The following MED13L variants were observed in gnomAD, a reference collection of about 807,000 sequenced individuals.
MED13L encodes the protein mediator of RNA polymerase II transcription subunit 13-like.
MED13L carries 7 observed loss-of-function variants against 220.9 expected under a neutral mutation model. That is an observed-to-expected ratio of 0.03 (90% CI 0.02 to 0.06). MED13L has a LOEUF of 0.06. Among genes scored for constraint, MED13L ranks in the 10% least tolerant of loss-of-function variants. The pLI, the probability that MED13L is intolerant of heterozygous loss-of-function variation, is 1.00. For synonymous variants in MED13L, 1,011 were observed against 1,015.2 expected, an observed-to-expected ratio of 1.00 and a Z score of 0.08; for missense variants, 1,965 against 2,760.5, an observed-to-expected ratio of 0.71 and a Z score of 6.46.
At chr12:116,167,576 G>C (rs1307376570) in intron 2 of MED13L, among the ~76,000 whole-genome samples, 1 of 151,990 alleles carries the variant, frequency 6.6e-6, no homozygotes, top group Non-Finnish European at 1.5e-5. Flanking sequence ...ATCACTTTGA[G>C]GTGTCAAAAA....
intron 20 of MED13L, 134 bp downstream of exon 20, chr12:115,984,046 C>A: frequency 9.3e-7 from 1 of 1,070,770 alleles, no homozygotes. Flanking sequence ...GCCCAGAACA[C>A]CAAACTGGAC....
chr12:116,272,025 T>C (rs1238892915), intron 1 of MED13L, among the ~76,000 whole-genome samples: 3 of 152,190 alleles, frequency 2.0e-5, no homozygotes, highest in Non-Finnish European at 4.4e-5. Flanking sequence ...TACTCTATCT[T>C]TGATTCAAAG....
chr12:116,260,248 A>C (rs1041265781), intron 1 of MED13L, among the ~76,000 whole-genome samples: 4 of 152,248 alleles, frequency 2.6e-5, no homozygotes, highest in Non-Finnish European at 5.9e-5. Flanking sequence ...ATTTACAGCC[A>C]ATCTACAATG....
At chr12:115,997,562 T>C (rs1457598542) in intron 14 of MED13L, among the ~76,000 whole-genome samples, 1 of 152,152 alleles carries the variant, frequency 6.6e-6, no homozygotes, top group East Asian at 1.9e-4. Flanking sequence ...GCTGGGACTA[T>C]AGGCACGTGC....
chr12:116,129,049 T>A (rs897640860), intron 2 of MED13L, among the ~76,000 whole-genome samples: 18 of 152,196 alleles, frequency 1.2e-4, no homozygotes, highest in Admixed American at 1.3e-4. Flanking sequence ...AGCTTCCATA[T>A]AATTATTCTC....
At chr12:116,185,450 G>GT (rs1239232545) in intron 2 of MED13L, among the ~76,000 whole-genome samples, 1 of 151,002 alleles carries the variant, frequency 6.6e-6, no homozygotes, top group East Asian at 1.9e-4. Context: ...AAAGATCTTT[G>GT]TAAGACTATA....
At chr12:116,225,892 C>G (rs1009758990) in intron 2 of MED13L, among the ~76,000 whole-genome samples, 7 of 151,832 alleles carry the variant, frequency 4.6e-5, no homozygotes, top group Admixed American at 2.0e-4. Context: ...CTAGCAAAGT[C>G]AAAAATAAAA....
chr12:116,043,804 A>G (rs1031621135), intron 4 of MED13L, among the ~76,000 whole-genome samples: 2 of 152,222 alleles, frequency 1.3e-5, no homozygotes, highest in African/African-American at 2.4e-5. Flanking sequence ...GATGATGCTC[A>G]AACAGTGGGG....
At chr12:116,124,146 G>GAGAGAGAGAGAGAGAGAGAGAGAC (rs1555213747) in intron 2 of MED13L, among the ~76,000 whole-genome samples, 3 of 148,168 alleles carry the variant, frequency 2.0e-5, no homozygotes, top group Admixed American at 6.7e-5. Context: ...GAGAGAGAGA[G>GAGAGAGAGAGAGAGAGAGAGAGAC]AGAGACAGAG....
At chr12:116,254,252 A>G (rs890721383) in intron 1 of MED13L, among the ~76,000 whole-genome samples, 6 of 152,102 alleles carry the variant, frequency 3.9e-5, no homozygotes, top group African/African-American at 1.5e-4. Context: ...ATGAAGCAAG[A>G]AAAAGTAGTA....
chr12:116,258,170 G>C (rs1285332995), intron 1 of MED13L, among the ~76,000 whole-genome samples: 1 of 152,184 alleles, frequency 6.6e-6, no homozygotes, highest in Non-Finnish European at 1.5e-5. Flanking sequence ...ATAGAAGAAA[G>C]AAAAACATAA....
chr12:115,995,357 T>A lies in MED13L; in HGVS notation c.2996+1119A>T, dbSNP rs148242505. On this transcript the variant is annotated intron_variant, in intron 16 of 30. Coordinates refer to ENST00000281928, the MANE Select transcript of MED13L (RefSeq NM_015335.5). Reference sequence around the variant, plus strand: ...AAATCTGAATTTGTGGCCTTTTCTATCAATCAAATCACTTTATTTATTAAG... The same window carrying A: ...AAATCTGAATTTGTGGCCTTTTCTAACAATCAAATCACTTTATTTATTAAG... 8.9e-3 allele frequency among the ~76,000 whole-genome samples: 1,355 copies of A among 152,318 alleles called. 12 individuals are homozygous for A. Among genetic ancestry groups the A allele is most frequent in the Non-Finnish European group, 0.012 (829 of 68,032 alleles).
chr12:115,997,166 A>C lies in MED13L; in HGVS notation c.2634T>G (p.Ser878=). The change falls in exon 15 of 31, where the codon TCT becomes TCG. Residue 878 remains serine (S), a synonymous_variant. Coordinates refer to ENST00000281928, the MANE Select transcript of MED13L (RefSeq NM_015335.5). ...TCCCATCTTTATAATTCATCACAGG[A>C]GAAAATGCAGGATGCTGTTCCAAAG... ...PPSLEQHPAF[S]PVMNYKDGIS... 7.4e-6 allele frequency: 12 copies of C among 1,614,118 alleles called. No individual in the cohort carries two copies. Among genetic ancestry groups the C allele is most frequent in the Non-Finnish European group, 1.0e-5 (12 of 1,179,992 alleles).
intron 4 of MED13L, among the ~76,000 whole-genome samples, chr12:116,073,775 C>T (rs1870570839): frequency 6.6e-6 from 1 of 152,150 alleles, no homozygotes; most frequent in Non-Finnish European, 1.5e-5. Context: ...ATAAATTACA[C>T]CTCTAGTAGG....
chr12:116,201,361 C>A (rs12426991), intron 2 of MED13L, among the ~76,000 whole-genome samples: 1 of 151,510 alleles, frequency 6.6e-6, no homozygotes, highest in Non-Finnish European at 1.5e-5. Context: ...AATGAAGAAA[C>A]CCTGAGATGG....
chr12:116,018,727 C>T (rs1388277844), intron 7 of MED13L, among the ~76,000 whole-genome samples: 2 of 151,930 alleles, frequency 1.3e-5, no homozygotes, highest in Admixed American at 1.3e-4. Context: ...ATTATTAATG[C>T]AGACACTTTA....
In MED13L at chr12:116,068,822, A is replaced by G. The variant is rs182725610; in HGVS notation, c.479+27847T>C. On this transcript the variant is annotated intron_variant, in intron 4 of 30. Transcript: ENST00000281928. ...CTGTTCTTGTTGTGTACAACCATAC[A>G]CTACCACTGGCATCACCCTTAACAT... is the stretch of plus-strand genomic sequence containing the variant. Among the ~76,000 whole-genome samples, 19 of 134,758 alleles carry G rather than the reference A, an allele frequency of 1.4e-4. No homozygotes were observed. In the Admixed American group the frequency reaches 1.5e-3, roughly 11 times the overall value. 88.4% of individuals were successfully genotyped at this position (134,758 alleles called of 152,430 possible).
intron 8 of MED13L, 93 bp from the exon 9 acceptor site, chr12:116,012,994 T>G (rs1373757501): frequency 1.2e-6 from 1 of 868,942 alleles, no homozygotes; most frequent in East Asian, 2.5e-5. Context: ...TTCATTCACA[T>G]AGTAATGGTA....
chr12:116,197,933 AT>A (rs1450288205), intron 2 of MED13L, among the ~76,000 whole-genome samples: 2 of 152,232 alleles, frequency 1.3e-5, no homozygotes, highest in African/African-American at 4.8e-5. Flanking sequence ...AGCCAAAAGA[AT>A]TTTAACATGT....
Sources: allele counts gnomAD v4.1 joint callset (sites outside exome capture counted in the v4.1 genomes callset), GRCh38; gene constraint gnomAD v4.1.1; transcripts MANE v1.5; gene names NCBI Gene and HGNC (gene_info 2026-07-23, HGNC 2026-07-21).